The following TBC1D15 variants were observed in gnomAD, a reference collection of about 807,000 sequenced individuals.
TBC1D15 encodes GAP for RAB7.
Under a neutral mutation model 95.4 loss-of-function variants are expected in TBC1D15, and 39 were observed. The observed-to-expected ratio is 0.41, with a 90% confidence interval of 0.32 to 0.53. TBC1D15 has a LOEUF of 0.53. Among genes scored for constraint, TBC1D15 ranks in the 20% least tolerant of loss-of-function variants. The pLI is 0.29. For missense variants in TBC1D15, 733 were observed against 794.3 expected (o/e 0.92, Z 0.93); for synonymous variants, 258 against 261.3 (o/e 0.99, Z 0.12).
At chr12:71,869,208 T>C (rs1046226509) in intron 1 of TBC1D15, among the ~76,000 whole-genome samples, 2 of 152,048 alleles carry the variant, frequency 1.3e-5, no homozygotes, top group African/African-American at 2.4e-5. Flanking sequence ...TTCACCTATA[T>C]GTGGAATATG....
intron 4 of TBC1D15, among the ~76,000 whole-genome samples, 183 bp downstream of exon 4, chr12:71,880,790 CA>C (rs5799056): frequency 0.49 from 74,793 of 151,890 alleles, 23,259 homozygotes; most frequent in East Asian, 0.89. Context: ...GTTGTGGCTT[CA>C]AAAAAATATT....
chr12:71,868,167 G>C (rs1891876887), intron 1 of TBC1D15, among the ~76,000 whole-genome samples: 1 of 151,942 alleles, frequency 6.6e-6, no homozygotes, highest in African/African-American at 2.4e-5. Flanking sequence ...AGGAGTTTTG[G>C]GATGTATAAT....
intron 5 of TBC1D15, among the ~76,000 whole-genome samples, chr12:71,885,616 A>G (rs182666273): frequency 6.6e-6 from 1 of 152,334 alleles, no homozygotes; most frequent in East Asian, 1.9e-4. Context: ...TAGGAATTAG[A>G]GAATTCATAG....
rs1224505210 is a variant in TBC1D15, at chr12:71,913,968, T to G, written c.1401+42T>G. On this transcript the variant is annotated intron_variant, in intron 12 of 16. Transcript: ENST00000485960. ...CTTCCATTAAACTGATTTTTAAAATTTTAGTTGTATAATTTTATAGTATAA... is the reference window on the plus strand; with the variant it reads ...CTTCCATTAAACTGATTTTTAAAATGTTAGTTGTATAATTTTATAGTATAA... 3 of 1,439,550 alleles carry G rather than the reference T, an allele frequency of 2.1e-6. No individual in the cohort carries two copies. The Admixed American group carries it at 6.4e-5, about 31-fold the overall frequency. The allele number at this position is 1,439,550 out of a possible 1,614,324, so 89.2% of individuals were successfully genotyped here.
intron 3 of TBC1D15, among the ~76,000 whole-genome samples, chr12:71,879,237 A>G (rs927595096): frequency 8.6e-5 from 13 of 151,466 alleles, no homozygotes; most frequent in Admixed American, 7.9e-4. Context: ...GGTTCAAGCT[A>G]TTCTCCTGCC....
chr12:71,872,180 G>A lies in TBC1D15; in HGVS notation c.129+12G>A, dbSNP rs756301153. 4.8e-6 allele frequency: 7 copies of A among 1,462,732 alleles called. No individual in the cohort carries two copies. Among genetic ancestry groups the A allele is most frequent in the Non-Finnish European group, 6.5e-6 (7 of 1,081,698 alleles). The allele number at this position is 1,462,732 out of a possible 1,614,324, so 90.6% of individuals were successfully genotyped here. ...GTGTTTTAGAAAAGGTAAGTTTCTA[G>A]TAAATGATTTTATTTAATAATAGTT... On this transcript the variant is annotated intron_variant, in intron 2 of 16. Transcript: ENST00000485960.
chr12:71,864,391 T>A (rs1891031592), intron 1 of TBC1D15, among the ~76,000 whole-genome samples: 1 of 152,070 alleles, frequency 6.6e-6, no homozygotes, highest in Non-Finnish European at 1.5e-5. Context: ...GTTTCATGTG[T>A]GCCTCCATTG....
chr12:71,905,429 G>T (rs557477401), intron 10 of TBC1D15, among the ~76,000 whole-genome samples: 1 of 152,190 alleles, frequency 6.6e-6, no homozygotes, highest in Non-Finnish European at 1.5e-5. Context: ...GGGCTCAGAT[G>T]GTTCTCCAAC....
intron 11 of TBC1D15, among the ~76,000 whole-genome samples, chr12:71,910,899 T>C (rs553988392): frequency 2.6e-4 from 39 of 152,234 alleles, no homozygotes; most frequent in South Asian, 2.3e-3. Context: ...ATATCCAGAA[T>C]CTACAATGAA....
At chr12:71,877,484 T>C (rs1256286313) in intron 3 of TBC1D15, among the ~76,000 whole-genome samples, 1 of 151,318 alleles carries the variant, frequency 6.6e-6, no homozygotes, top group Non-Finnish European at 1.5e-5. Context: ...TTAAAATCTT[T>C]TCTTTCCTGT....
rs61924153 is a variant in TBC1D15, at chr12:71,910,536, A to C, written c.1301-3290A>C. On this transcript the variant is annotated intron_variant, in intron 11 of 16. Coordinates refer to ENST00000485960, the MANE Select transcript of TBC1D15 (RefSeq NM_001146213.3). ...ATTTGTTTATATCCTCTTTTATTTC[A>C]TTGAGCAGTGGTTTGTAGTTCTCCT... Among the ~76,000 whole-genome samples, 1,186 of 151,612 alleles carry C rather than the reference A, an allele frequency of 7.8e-3. 12 individuals are homozygous for C. The highest frequency in any genetic ancestry group is 0.013 in the Non-Finnish European group (886 of 67,830).
At chr12:71,891,767 G>T (rs1190638469) in intron 5 of TBC1D15, among the ~76,000 whole-genome samples, 1 of 152,048 alleles carries the variant, frequency 6.6e-6, no homozygotes, top group African/African-American at 2.4e-5. Context: ...TGTTGGTAAG[G>T]CAGTCATTTC....
intron 1 of TBC1D15, among the ~76,000 whole-genome samples, chr12:71,848,537 G>GT (rs1337727580): frequency 6.6e-6 from 1 of 151,646 alleles, no homozygotes; most frequent in Admixed American, 6.6e-5. Context: ...TTCAAACTGT[G>GT]TTTTTTTGTC....
At position 71,884,974 on chromosome 12, in the gene TBC1D15, T is replaced by G. The variant is rs1181187360; in HGVS notation, c.507T>G (p.Asp169Glu). The G allele has an allele frequency of 6.2e-7, 1 of 1,613,838 alleles. No homozygotes were observed. The highest frequency in any genetic ancestry group is 1.1e-5 in the South Asian group (1 of 91,082). The part of the protein sequence containing the change: ...VLPALHFHQG[D>E]SKLLIESLEK... ...CTGCTCTACACTTTCATCAAGGAGA[T>G]AGCAAACTACTGATTGAATCTCTTG... The change falls in exon 5 of 17, where the codon GAT becomes GAG. Residue 169 changes from aspartate to glutamate, a missense_variant. Asp to Glu is a conservative substitution (Grantham distance 45, BLOSUM62 2). Transcript: ENST00000485960.
At chr12:71,908,167 T>C (rs1370484588) in intron 11 of TBC1D15, among the ~76,000 whole-genome samples, 3 of 152,054 alleles carry the variant, frequency 2.0e-5, no homozygotes, top group Admixed American at 6.6e-5. Context: ...AGCGAGACTC[T>C]GTCTCAAGGA....
chr12:71,842,327 A>C (rs949892342), intron 1 of TBC1D15, among the ~76,000 whole-genome samples: 6 of 152,226 alleles, frequency 3.9e-5, no homozygotes, highest in Non-Finnish European at 7.3e-5. Flanking sequence ...CAGTAAAATT[A>C]CTTAACCTCT....
intron 7 of TBC1D15, among the ~76,000 whole-genome samples, chr12:71,895,239 C>G (rs987387758): frequency 2.6e-5 from 4 of 152,038 alleles, no homozygotes; most frequent in Admixed American, 2.6e-4. Context: ...AGTCAGGATA[C>G]TACTTTTAGG....
Position 71,914,503 on chromosome 12 carries a change from G to C in TBC1D15, c.1401+577G>C, listed in dbSNP as rs532513100. ...TCTATTATCATTGTTAAATCTTTGA[G>C]ACAGAGTTCTAGGATAATAGTGCAG... On this transcript the variant is annotated intron_variant, in intron 12 of 16. Coordinates refer to ENST00000485960, the MANE Select transcript of TBC1D15 (RefSeq NM_001146213.3). Among the ~76,000 whole-genome samples, 9 of 152,052 alleles carry C rather than the reference G, an allele frequency of 5.9e-5. No homozygotes were observed. In the East Asian group the frequency reaches 1.7e-3, roughly 29 times the overall value.
At chr12:71,878,598 C>T (rs1381819939) in intron 3 of TBC1D15, among the ~76,000 whole-genome samples, 1 of 151,200 alleles carries the variant, frequency 6.6e-6, no homozygotes, top group East Asian at 1.9e-4. Context: ...TCACTGCAAT[C>T]TCCGCCTCCC....
Sources: gnomAD v4.1 joint callset for allele counts (sites outside exome capture counted in the v4.1 genomes callset) on GRCh38, gnomAD v4.1.1 for gene constraint, MANE v1.5 for transcripts, NCBI Gene and HGNC (gene_info 2026-07-23, HGNC 2026-07-21) for gene names.